SIPA1L3: variants seen among roughly 807,000 people sequenced by gnomAD.
SIPA1L3 encodes signal-induced proliferation-associated 1-like protein 3.
SIPA1L3 carries 59 observed loss-of-function variants against 150.1 expected under a neutral mutation model. The observed-to-expected ratio is 0.39, with a 90% CI of 0.32 to 0.49. The LOEUF is 0.49. Among genes scored for constraint, SIPA1L3 ranks in the 20% least tolerant of loss-of-function variants. The probability of loss-of-function intolerance (pLI) is 0.86; values close to 1 mark genes in which losing one functional copy is unlikely to be tolerated. For synonymous variants in SIPA1L3, 1,070 were observed against 1,077.6 expected, an observed-to-expected ratio of 0.99 and a Z score of 0.14; for missense variants, 2,211 against 2,489.5, an observed-to-expected ratio of 0.89 and a Z score of 2.38.
chr19:37,909,143 G>A (rs1350914568), intron 1 of SIPA1L3, among the ~76,000 whole-genome samples: 1 of 152,202 alleles, frequency 6.6e-6, no homozygotes, highest in African/African-American at 2.4e-5. Context: ...CAAGAAGGAC[G>A]AAGCTGCCAT....
chr19:37,919,938 G>T (rs181642212), intron 1 of SIPA1L3, among the ~76,000 whole-genome samples: 1 of 151,570 alleles, frequency 6.6e-6, no homozygotes, highest in Non-Finnish European at 1.5e-5. Flanking sequence ...TCGAACTCCC[G>T]ACCTTAGGTG....
At position 37,984,089 on chromosome 19, in the gene SIPA1L3, A is replaced by G. The variant is rs192784024; in HGVS notation, c.-378-45000A>G. On this transcript the variant is annotated intron_variant, in intron 1 of 21. Coordinates refer to ENST00000222345, the MANE Select transcript of SIPA1L3 (RefSeq NM_015073.3). ...CAGCCCGGCTGAATCTCCTGAGAAC[A>G]ATGAGGCACTTTTTGCAGATGCGCT... 7.9e-4 allele frequency among the ~76,000 whole-genome samples: 120 copies of G among 152,218 alleles called. No homozygotes were observed. In the East Asian group the frequency reaches 0.019, roughly 24 times the overall value.
intron 7 of SIPA1L3, chr19:38,109,861 T>C: frequency 4.8e-6 from 1 of 206,404 alleles, no homozygotes; most frequent in Non-Finnish European, 1.0e-5. Context: ...TCAGGGAGTG[T>C]TGTGGTGGGG....
intron 1 of SIPA1L3, among the ~76,000 whole-genome samples, chr19:37,942,603 C>T (rs2046670123): frequency 1.3e-5 from 2 of 151,688 alleles, no homozygotes; most frequent in South Asian, 2.1e-4. Flanking sequence ...AGAGTGTCCT[C>T]CCATGCCCTC....
intron 12 of SIPA1L3, among the ~76,000 whole-genome samples, chr19:38,147,681 T>C (rs960633573): frequency 2.0e-5 from 3 of 152,114 alleles, no homozygotes; most frequent in African/African-American, 7.2e-5. Context: ...AAGGCAAAAA[T>C]GGGGGAGTGC....
rs142740924 is a variant in SIPA1L3 at position 37,925,884 on chromosome 19, G to A, written c.-379+18526G>A. ...TGGGATTACAGGCGTGAGCCATTGC[G>A]CCCGGCCGATTTATTACACTTTTGA... On this transcript the variant is annotated intron_variant, in intron 1 of 21. Coordinates refer to ENST00000222345, the MANE Select transcript of SIPA1L3 (RefSeq NM_015073.3). 4.9e-4 allele frequency among the ~76,000 whole-genome samples: 74 copies of A among 152,184 alleles called. No homozygotes were observed. In the East Asian group the frequency reaches 0.012, roughly 25 times the overall value.
In SIPA1L3 at chr19:38,100,166, G is replaced by C; in HGVS notation, c.1854+16G>C. ...TGAGCAAGGGGTGAGTCAGGGGCTG[G>C]AGGTGGGGGTGCTGCTGGGGCAGTA... On this transcript the variant is annotated intron_variant, in intron 5 of 21. Coordinates refer to ENST00000222345, the MANE Select transcript of SIPA1L3 (RefSeq NM_015073.3). 6.5e-7 allele frequency: 1 copy of C among 1,530,818 alleles called. No homozygotes were observed. The highest frequency in any genetic ancestry group is 8.8e-7 in the Non-Finnish European group (1 of 1,140,364). The allele number at this position is 1,530,818 out of a possible 1,614,324, so 94.8% of individuals were successfully genotyped here. A position where few individuals can be genotyped will look rare whatever the true frequency, so the allele number is the denominator to read the frequency against.
chr19:38,066,536 T>C (rs868563941), intron 2 of SIPA1L3, among the ~76,000 whole-genome samples: 2 of 152,124 alleles, frequency 1.3e-5, no homozygotes, highest in South Asian at 4.1e-4. Flanking sequence ...TTAAAATAAA[T>C]AGAATGAAGC....
At chr19:37,971,264 A>G (rs1392900344) in intron 1 of SIPA1L3, among the ~76,000 whole-genome samples, 3 of 151,850 alleles carry the variant, frequency 2.0e-5, no homozygotes, top group Non-Finnish European at 4.4e-5. Context: ...TGCAGGTGTG[A>G]GCCACTGCAC....
At chr19:38,098,532 T>C (rs981009458) in intron 4 of SIPA1L3, among the ~76,000 whole-genome samples, 6 of 151,986 alleles carry the variant, frequency 3.9e-5, no homozygotes, top group African/African-American at 1.4e-4. Context: ...GTAGCTGAGA[T>C]TACAGGCATG....
chr19:38,130,977 T>A (rs1418793082), intron 10 of SIPA1L3: 3 of 589,724 alleles, frequency 5.1e-6, no homozygotes, highest in African/African-American at 1.9e-5. Context: ...TAGCCCTTCA[T>A]ACGTGCATGA....
chr19:38,168,323 G>A (rs1972252949), intron 15 of SIPA1L3, among the ~76,000 whole-genome samples: 1 of 151,900 alleles, frequency 6.6e-6, no homozygotes, highest in African/African-American at 2.4e-5. Flanking sequence ...GGAGGTGGAG[G>A]GTACAGTGAG....
intron 6 of SIPA1L3, among the ~76,000 whole-genome samples, chr19:38,104,981 C>T (rs1033542453): frequency 2.6e-5 from 4 of 152,096 alleles, no homozygotes; most frequent in Non-Finnish European, 4.4e-5. Flanking sequence ...GGGTGTTACC[C>T]GGCTCCCAAC....
At chr19:37,997,878 AAAAG>A (rs1432561331) in intron 1 of SIPA1L3, among the ~76,000 whole-genome samples, 5 of 151,732 alleles carry the variant, frequency 3.3e-5, no homozygotes, top group Non-Finnish European at 7.4e-5. Context: ...AAAAAAAAAA[AAAAG>A]AAAAGAAAAA....
intron 11 of SIPA1L3, among the ~76,000 whole-genome samples, chr19:38,142,124 G>C (rs1971600342): frequency 6.6e-6 from 1 of 152,202 alleles, no homozygotes; most frequent in Non-Finnish European, 1.5e-5. Context: ...TCTAGTCCTG[G>C]GGTTGGCTGG....
Position 38,193,621 on chromosome 19 carries a change from G to C in SIPA1L3, c.4681G>C (p.Ala1561Pro), listed in dbSNP as rs61735490. ...CCGGGAGCCCAGCTTCGCCAGCCCCGCTGGCCTAGAGCCAGGGCTGCCCAG... is the reference window on the plus strand; with the variant it reads ...CCGGGAGCCCAGCTTCGCCAGCCCCCCTGGCCTAGAGCCAGGGCTGCCCAG... ...GRREPSFASP[A>P]GLEPGLPSDV... is the part of the protein sequence containing the mutation. Residue 1561 changes from alanine to proline, a missense_variant, in exon 18 of 22, where the codon GCT becomes CCT. This residue lies in a region of SIPA1L3 where 806 missense variants were observed against 870.1 expected (regional missense o/e 0.93). Transcript: ENST00000222345. The C allele has an allele frequency of 0.011, 16,794 of 1,571,042 alleles. 727 individuals are homozygous for C. The highest frequency in any genetic ancestry group is 0.098 in the East Asian group (4,134 of 42,212).
chr19:38,031,465 C>T (rs1449317323), intron 2 of SIPA1L3, among the ~76,000 whole-genome samples: 1 of 152,220 alleles, frequency 6.6e-6, no homozygotes, highest in East Asian at 1.9e-4. Flanking sequence ...TGGAAGAGGA[C>T]TGCTCTGCTA....
chr19:38,161,373 C>G (rs1600152953), intron 13 of SIPA1L3, among the ~76,000 whole-genome samples: 1 of 147,158 alleles, frequency 6.8e-6, no homozygotes, highest in Admixed American at 6.9e-5. Flanking sequence ...TATGTACATA[C>G]AACCAACAAA....
intron 18 of SIPA1L3, 86 bp downstream of exon 18, chr19:38,193,866 C>A: frequency 7.2e-7 from 1 of 1,391,854 alleles, no homozygotes; most frequent in South Asian, 1.5e-5. Context: ...ACCTGGAGGT[C>A]AAAGGCTAGA....
Sources: gnomAD v4.1 joint callset for allele counts (sites outside exome capture counted in the v4.1 genomes callset) on GRCh38, gnomAD v4.1.1 for gene constraint, gnomAD v4.1.1 regional missense constraint, MANE v1.5 for transcripts, NCBI Gene and HGNC (gene_info 2026-07-23, HGNC 2026-07-21) for gene names.